Variants in RALYL observed in about 807,000 individuals in gnomAD.
The protein encoded by RALYL is RNA-binding Raly-like protein.
RALYL carries 29 observed loss-of-function variants against 35.1 expected under a neutral mutation model. That is an observed-to-expected ratio of 0.83 (90% CI 0.61 to 1.13). The LOEUF is 1.13. Among genes scored for constraint, RALYL ranks in the 50% most tolerant of loss-of-function variants. RALYL has a pLI of 0.00. For missense variants in RALYL, 359 were observed against 360.4 expected, an observed-to-expected ratio of 1.00 and a Z score of 0.03; for synonymous variants, 120 against 127.6, an observed-to-expected ratio of 0.94 and a Z score of 0.40.
At chr8:84,729,917 A>G (rs1845803528) in intron 2 of RALYL, among the ~76,000 whole-genome samples, 2 of 152,188 alleles carry the variant, frequency 1.3e-5, no homozygotes, top group African/African-American at 4.8e-5. Flanking sequence ...AAAAGAGTCC[A>G]GGACCAGATG....
At chr8:84,272,878 G>A (rs1364956953) in intron 1 of RALYL, among the ~76,000 whole-genome samples, 3 of 152,150 alleles carry the variant, frequency 2.0e-5, no homozygotes, top group Non-Finnish European at 4.4e-5. Context: ...AGCAAGGATA[G>A]TGTTTTTCCA....
chr8:84,806,643 T>G (rs1824683580), intron 4 of RALYL, among the ~76,000 whole-genome samples: 1 of 152,058 alleles, frequency 6.6e-6, no homozygotes, highest in Non-Finnish European at 1.5e-5. Context: ...AAGATACTGC[T>G]TATGTCTTAA....
chr8:84,664,564 T>C (rs550717150), intron 2 of RALYL, among the ~76,000 whole-genome samples: 79 of 152,190 alleles, frequency 5.2e-4, no homozygotes, highest in African/African-American at 1.9e-3. Context: ...GCTGTATTCC[T>C]AGGTATTTTA....
In RALYL at chr8:84,529,539, C is replaced by T. The variant is rs553408971; in HGVS notation, c.218C>T (p.Ala73Val). The T allele has an allele frequency of 6.2e-7, 1 of 1,610,834 alleles. No individual in the cohort carries two copies. Among genetic ancestry groups the T allele is most frequent in the Non-Finnish European group, 8.5e-7 (1 of 1,177,210 alleles). Residue 73 changes from alanine (A) to valine (V), a missense_variant, in exon 2 of 9, where the codon GCT becomes GTT. By Grantham distance (64) the Ala-to-Val change is moderately conservative. Transcript: ENST00000521268. ...GAGCGACATGCAAGAGCTGCAGTGG[C>T]TGGAGAAAATGCCAGAGTCATCGCC... is the stretch of plus-strand genomic sequence containing the variant. ...MSERHARAAVAGENARVIAGQ... is the reference protein window; with the variant it reads ...MSERHARAAVVGENARVIAGQ...
chr8:84,568,207 AC>A (rs781388328), intron 2 of RALYL, among the ~76,000 whole-genome samples: 51 of 61,768 alleles, frequency 8.3e-4, no homozygotes, highest in Non-Finnish European at 1.4e-3. Flanking sequence ...CCCTCCCCCC[AC>A]CCCACAACAG....
chr8:84,355,970 C>G (rs1851745060), intron 1 of RALYL, among the ~76,000 whole-genome samples: 1 of 149,920 alleles, frequency 6.7e-6, no homozygotes, highest in South Asian at 2.1e-4. Context: ...GTGGATTTCC[C>G]TGCCTGCTGT....
At chr8:84,525,039 T>TTTTTTTTTTTTTTTTTTTTTGAG (rs1554707420) in intron 1 of RALYL, among the ~76,000 whole-genome samples, 1 of 148,274 alleles carries the variant, frequency 6.7e-6, no homozygotes, top group Non-Finnish European at 1.5e-5. Context: ...GCCTCAATTT[T>TTTTTTTTTTTTTTTTTTTTTGAG]AACTAAGTAA....
At chr8:84,773,153 G>A (rs1815961832) in intron 2 of RALYL, among the ~76,000 whole-genome samples, 1 of 152,144 alleles carries the variant, frequency 6.6e-6, no homozygotes, top group Non-Finnish European at 1.5e-5. Flanking sequence ...TGTTCTGGCA[G>A]CAACAAGTAT....
At chr8:84,547,416 G>A (rs1405252886) in intron 2 of RALYL, among the ~76,000 whole-genome samples, 13 of 151,034 alleles carry the variant, frequency 8.6e-5, no homozygotes, top group Non-Finnish European at 1.5e-4. Flanking sequence ...CTCGCTCTGT[G>A]GCCAGGCTGG....
intron 1 of RALYL, among the ~76,000 whole-genome samples, chr8:84,213,808 G>A (rs1820128729): frequency 6.6e-6 from 1 of 152,098 alleles, no homozygotes; most frequent in Non-Finnish European, 1.5e-5. Context: ...ATGCTCAATT[G>A]ACATACATAC....
intron 1 of RALYL, among the ~76,000 whole-genome samples, chr8:84,387,321 C>T (rs1247270565): frequency 6.6e-6 from 1 of 151,824 alleles, no homozygotes; most frequent in Non-Finnish European, 1.5e-5. Context: ...TTTTTTTCTT[C>T]AAGCATGTTA....
chr8:84,586,847 C>T (rs879413719), intron 2 of RALYL, among the ~76,000 whole-genome samples: 3 of 152,120 alleles, frequency 2.0e-5, no homozygotes, highest in Non-Finnish European at 4.4e-5. Context: ...TTGGACCAAC[C>T]ATTGCTAAAG....
Position 84,304,054 on chromosome 8 carries a change from T to C in RALYL, c.-24+119630T>C, listed in dbSNP as rs545632325. Among the ~76,000 whole-genome samples the C allele has an allele frequency of 1.3e-3, 196 of 152,272 alleles. 1 individual carries two copies. In the Middle Eastern group the frequency reaches 0.017, roughly 13 times the overall value. On this transcript the variant is annotated intron_variant, in intron 1 of 8. Coordinates refer to ENST00000521268, the MANE Select transcript of RALYL (RefSeq NM_173848.7). Reference sequence around the variant, plus strand: ...AAAAATAATGGGAACTTTCTCTTTTTATTGGAATTCTATTGATAAAATATA... The same window carrying C: ...AAAAATAATGGGAACTTTCTCTTTTCATTGGAATTCTATTGATAAAATATA...
intron 1 of RALYL, among the ~76,000 whole-genome samples, chr8:84,251,776 G>A (rs914318581): frequency 6.6e-6 from 1 of 151,750 alleles, no homozygotes; most frequent in East Asian, 1.9e-4. Flanking sequence ...GTTTTGATTC[G>A]TGCCTTTTGT....
At chr8:84,431,035 C>T (rs1015626234) in intron 1 of RALYL, among the ~76,000 whole-genome samples, 1 of 152,076 alleles carries the variant, frequency 6.6e-6, no homozygotes, top group African/African-American at 2.4e-5. Context: ...GCACTAATAC[C>T]GATCTCATAA....
At chr8:84,195,280 A>G in intron 1 of RALYL, among the ~76,000 whole-genome samples, 1 of 152,042 alleles carries the variant, frequency 6.6e-6, no homozygotes, top group Non-Finnish European at 1.5e-5. Context: ...TCTCTACTAA[A>G]AATACAAAAA....
chr8:84,861,527 T>G (rs1173563346), intron 5 of RALYL, among the ~76,000 whole-genome samples: 1 of 152,216 alleles, frequency 6.6e-6, no homozygotes, highest in East Asian at 1.9e-4. Flanking sequence ...GTTTTATTGA[T>G]TTTTTTGTTA....
At chr8:84,372,886 G>GTTTTTTTTGTTTTGTTTTGTTTTTTTTT (rs1856064727) in intron 1 of RALYL, among the ~76,000 whole-genome samples, 1 of 39,064 alleles carries the variant, frequency 2.6e-5, no homozygotes, top group African/African-American at 1.1e-4. Flanking sequence ...GCCAGCATCT[G>GTTTTTTTTGTTTTGTTTTGTTTTTTTTT]TTTTTTTTTT....
At chr8:84,299,871 A>G (rs1011593040) in intron 1 of RALYL, among the ~76,000 whole-genome samples, 13 of 151,822 alleles carry the variant, frequency 8.6e-5, no homozygotes, top group Middle Eastern at 6.8e-3. Context: ...TATTAGTCTC[A>G]CTAGCTGTCG....
Sources: gnomAD v4.1 joint callset for allele counts (sites outside exome capture counted in the v4.1 genomes callset) on GRCh38, gnomAD v4.1.1 for gene constraint, MANE v1.5 for transcripts, NCBI Gene and HGNC (gene_info 2026-07-23, HGNC 2026-07-21) for gene names.